The following ZNF420 variants were observed in gnomAD, a reference collection of about 807,000 sequenced individuals.
ZNF420 encodes the protein ATM and p53-associated KZNF protein.
ZNF420 carries 31 observed loss-of-function variants against 44.7 expected under a neutral mutation model. The ratio of observed to expected loss-of-function variants is 0.69; its 90% CI spans 0.52 to 0.94. ZNF420 has a LOEUF of 0.94. Among genes scored for constraint, ZNF420 ranks in the 40% least tolerant of loss-of-function variants. The pLI is 0.00. For missense variants in ZNF420, 681 were observed against 827.9 expected, an observed-to-expected ratio of 0.82 and a Z score of 2.18; for synonymous variants, 245 against 267.4, an observed-to-expected ratio of 0.92 and a Z score of 0.82.
At chr19:37,030,532 C>A (rs1268097847) in intron 1 of ZNF420, among the ~76,000 whole-genome samples, 1 of 152,294 alleles carries the variant, frequency 6.6e-6, no homozygotes, top group African/African-American at 2.4e-5. Flanking sequence ...ATTTTTCTTT[C>A]TGTTGTTGGC....
intron 1 of ZNF420, among the ~76,000 whole-genome samples, chr19:37,038,803 C>T (rs1361413272): frequency 1.3e-5 from 2 of 151,964 alleles, no homozygotes; most frequent in Non-Finnish European, 2.9e-5. Context: ...AAATACAACA[C>T]ATGGAGAAGC....
chr19:37,049,122 G>A (rs1437652538), intron 1 of ZNF420, among the ~76,000 whole-genome samples: 1 of 152,074 alleles, frequency 6.6e-6, no homozygotes, highest in Non-Finnish European at 1.5e-5. Flanking sequence ...ATCATTGTTG[G>A]ACATTTGGGT....
chr19:37,123,064 C>A (rs989805742), intron 4 of ZNF420, among the ~76,000 whole-genome samples: 8 of 152,160 alleles, frequency 5.3e-5, no homozygotes, highest in African/African-American at 1.9e-4. Flanking sequence ...GCATAGTCTT[C>A]CTTGTCTTCT....
chr19:37,061,847 A>G (rs1387095276), intron 1 of ZNF420, among the ~76,000 whole-genome samples: 1 of 152,244 alleles, frequency 6.6e-6, no homozygotes, highest in Non-Finnish European at 1.5e-5. Context: ...GACGGAAATC[A>G]CCAAGACTTG....
chr19:37,127,080 C>A, intron 4 of ZNF420, 48 bp from the exon 5 acceptor site: 1 of 1,412,610 alleles, frequency 7.1e-7, no homozygotes, highest in Non-Finnish European at 9.3e-7. Flanking sequence ...TTTGTCTTTT[C>A]TATAGAAGTT....
At chr19:37,103,176 C>T (rs1969875175) in intron 4 of ZNF420, among the ~76,000 whole-genome samples, 1 of 151,992 alleles carries the variant, frequency 6.6e-6, no homozygotes, top group South Asian at 2.1e-4. Context: ...GTTTCTTTTG[C>T]TATTTGGCTC....
chr19:37,034,326 T>C (rs1291244603), intron 1 of ZNF420, among the ~76,000 whole-genome samples: 1 of 152,208 alleles, frequency 6.6e-6, no homozygotes, highest in African/African-American at 2.4e-5. Flanking sequence ...TTTGGGAAAA[T>C]GTCTATGTAA....
chr19:37,096,031 C>T (rs915973313), intron 4 of ZNF420: 2 of 152,218 alleles, frequency 1.3e-5, no homozygotes, highest in African/African-American at 4.8e-5. Context: ...TTTTTCTCAG[C>T]ACTCTGAAGA....
chr19:37,086,075 T>C (rs903681155), intron 2 of ZNF420, among the ~76,000 whole-genome samples: 3 of 151,956 alleles, frequency 2.0e-5, no homozygotes, highest in Non-Finnish European at 2.9e-5. Flanking sequence ...GTGCTGGGGT[T>C]GCTTACAGGC....
intron 2 of ZNF420, among the ~76,000 whole-genome samples, chr19:37,081,204 C>T (rs1335358158): frequency 6.6e-6 from 1 of 152,002 alleles, no homozygotes; most frequent in East Asian, 1.9e-4. Context: ...GAGGATCTTC[C>T]AGAGATCTTT....
chr19:37,061,211 C>A (rs949492369), intron 1 of ZNF420, among the ~76,000 whole-genome samples: 3 of 152,232 alleles, frequency 2.0e-5, no homozygotes, highest in Non-Finnish European at 2.9e-5. Context: ...TGTGGTCACA[C>A]TGGCTCTACT....
Position 37,091,041 on chromosome 19 carries a change from A to G in ZNF420, c.56A>G (p.Glu19Gly), listed in dbSNP as rs1969111857. The change falls in exon 4 of 5, where the codon GAG becomes GGG. Residue 19 changes from glutamate (E) to glycine (G), a missense_variant. By Grantham distance (98) the Glu-to-Gly change is moderately conservative (BLOSUM62 -2). This residue lies in a region of ZNF420 where 350 missense variants were observed against 382.5 expected (regional missense o/e 0.92). Coordinates refer to ENST00000337995, the MANE Select transcript of ZNF420 (RefSeq NM_144689.5). ...RDVAIDFSQE[E>G]WECLDSAQRD... is the part of the protein sequence containing the mutation. ...GTTGCCATTGACTTCTCTCAGGAAG[A>G]GTGGGAATGCCTGGACTCTGCTCAG... 6.2e-7 allele frequency: 1 copy of G among 1,613,526 alleles called. No individual in the cohort carries two copies. The highest frequency in any genetic ancestry group is 1.1e-5 in the South Asian group (1 of 90,850).
intron 4 of ZNF420, among the ~76,000 whole-genome samples, chr19:37,114,596 G>T (rs1468793213): frequency 6.6e-6 from 1 of 152,050 alleles, no homozygotes; most frequent in Non-Finnish European, 1.5e-5. Context: ...AACATTTCAG[G>T]ATATATCACT....
chr19:37,051,363 G>A (rs1173947414), intron 1 of ZNF420, among the ~76,000 whole-genome samples: 2 of 152,034 alleles, frequency 1.3e-5, no homozygotes, highest in African/African-American at 4.8e-5. Flanking sequence ...ACTTTTTTTG[G>A]TTGTTAAGCT....
At position 37,126,007 on chromosome 19, in the gene ZNF420, T is replaced by C. The variant is rs536560679; in HGVS notation, c.137-1121T>C. Among the ~76,000 whole-genome samples, 6 of 152,322 alleles carry C rather than the reference T, an allele frequency of 3.9e-5. No homozygotes were observed. The South Asian group carries it at 1.0e-3, about 26-fold the overall frequency. Reference sequence around the variant, plus strand: ...AGTTTCTCCCCCTCTTAGCTTTTTCTAGAATCATAAGACTTCTCTAAGTGG... The same window carrying C: ...AGTTTCTCCCCCTCTTAGCTTTTTCCAGAATCATAAGACTTCTCTAAGTGG... On this transcript the variant is annotated intron_variant, in intron 4 of 4. Transcript: ENST00000337995.
rs1208234571 is a variant in ZNF420 at position 37,128,045 on chromosome 19, C to T, written c.1054C>T (p.Gln352Ter). The change falls in exon 5 of 5, where the codon CAA becomes TAA. Residue 352 changes from glutamine to a stop codon, truncating the protein, a stop_gained. Transcript: ENST00000337995. LOFTEE classifies it high-confidence loss of function. ...CTTTATTCGGGGCTCACTACTGATG[C>T]AACATCAGAGGATTCATACTGGTGA... Reference protein sequence around the residue: ...RAFIRGSLLMQHQRIHTGEKP... With the variant: ...RAFIRGSLLM 1.2e-6 allele frequency: 2 copies of T among 1,613,582 alleles called. No individual in the cohort carries two copies. Among genetic ancestry groups the T allele is most frequent in the Non-Finnish European group, 1.7e-6 (2 of 1,179,854 alleles).
chr19:37,010,447 C>T (rs1256551937), intron 1 of ZNF420, among the ~76,000 whole-genome samples: 1 of 152,040 alleles, frequency 6.6e-6, no homozygotes, highest in Non-Finnish European at 1.5e-5. Flanking sequence ...AAGAGCAGAA[C>T]CCCGCAGCCT....
At chr19:37,009,901 G>C (rs2074555189) in intron 1 of ZNF420, among the ~76,000 whole-genome samples, 1 of 152,128 alleles carries the variant, frequency 6.6e-6, no homozygotes, top group Non-Finnish European at 1.5e-5. Flanking sequence ...CAGGACTCCT[G>C]CGAGTCCGGC....
intron 1 of ZNF420, among the ~76,000 whole-genome samples, chr19:37,020,453 C>A (rs912855111): frequency 6.6e-6 from 1 of 152,146 alleles, no homozygotes; most frequent in Non-Finnish European, 1.5e-5. Context: ...CTCCCTAAAC[C>A]CTTAAATATC....
Sources: allele counts gnomAD v4.1 joint callset (sites outside exome capture counted in the v4.1 genomes callset), GRCh38; gene constraint gnomAD v4.1.1; regional missense constraint gnomAD v4.1.1; transcripts MANE v1.5; gene names NCBI Gene and HGNC (gene_info 2026-07-23, HGNC 2026-07-21).